The following ABLIM3 variants were observed in gnomAD, a reference collection of about 807,000 sequenced individuals.
ABLIM3 encodes actin-binding LIM protein 3.
A neutral mutation model predicts 109.5 loss-of-function variants in ABLIM3; 61 were observed. The observed-to-expected ratio is 0.56, with a 90% confidence interval of 0.45 to 0.69. The LOEUF is 0.69. ABLIM3 is among the 30% of genes least tolerant of loss of function. ABLIM3 has a pLI of 0.00. For missense variants in ABLIM3, 796 were observed against 889.5 expected, an observed-to-expected ratio of 0.89 and a Z score of 1.34; for synonymous variants, 300 against 324.8, an observed-to-expected ratio of 0.92 and a Z score of 0.82.
intron 2 of ABLIM3, among the ~76,000 whole-genome samples, chr5:149,178,797 G>A (rs898667928): frequency 1.3e-5 from 2 of 152,160 alleles, no homozygotes; most frequent in Admixed American, 1.3e-4. Flanking sequence ...TGTGGAGGGA[G>A]AGGAAAAATC....
At chr5:149,147,305 C>T (rs191191795) in intron 2 of ABLIM3, among the ~76,000 whole-genome samples, 63 of 152,196 alleles carry the variant, frequency 4.1e-4, no homozygotes, top group Admixed American at 9.8e-4. Flanking sequence ...AAGCTTTTTC[C>T]ATATCTTTTG....
chr5:149,234,618 A>G (rs1222685960), intron 10 of ABLIM3, among the ~76,000 whole-genome samples: 1 of 152,232 alleles, frequency 6.6e-6, no homozygotes, highest in African/African-American at 2.4e-5. Flanking sequence ...ATATGGGTCA[A>G]TACTACCATG....
intron 2 of ABLIM3, among the ~76,000 whole-genome samples, chr5:149,181,390 A>G (rs1756443536): frequency 1.3e-5 from 2 of 152,108 alleles, no homozygotes; most frequent in South Asian, 2.1e-4. Flanking sequence ...TTTTTGAAAT[A>G]TTTTGCATGT....
At position 149,259,824 on chromosome 5, in the gene ABLIM3, G is replaced by T. The variant is rs1411039015; in HGVS notation, c.*1420G>T. On this transcript the variant is annotated 3_prime_UTR_variant, in exon 24 of 24. Coordinates refer to ENST00000309868, the MANE Select transcript of ABLIM3 (RefSeq NM_014945.5). ...AAATGACAATAATGACTCTCAAGAG[G>T]CTGGCGATGTGACATGGCAAATGTA... The T allele has an allele frequency of 3.5e-6, 2 of 563,562 alleles. No individual in the cohort carries two copies. Among genetic ancestry groups the T allele is most frequent in the Non-Finnish European group, 6.3e-6 (2 of 315,992 alleles). 34.9% of individuals were successfully genotyped at this position (563,562 alleles called of 1,614,324 possible).
intron 2 of ABLIM3, among the ~76,000 whole-genome samples, chr5:149,144,138 A>G (rs1752719624): frequency 6.6e-6 from 1 of 152,256 alleles, no homozygotes; most frequent in South Asian, 2.1e-4. Flanking sequence ...AGGACTGGCA[A>G]AAATGCCACT....
chr5:149,227,168 A>G (rs772753116), intron 8 of ABLIM3, among the ~76,000 whole-genome samples: 4 of 151,970 alleles, frequency 2.6e-5, no homozygotes, highest in Non-Finnish European at 5.9e-5. Flanking sequence ...CCCAAATGTT[A>G]CAGGTGTGGA....
chr5:149,252,083 GAGA>G (rs1328995605), intron 21 of ABLIM3, 115 bp from the exon 22 acceptor site: 5 of 1,167,710 alleles, frequency 4.3e-6, no homozygotes, highest in Non-Finnish European at 6.1e-6. Flanking sequence ...TGATGGTCAA[GAGA>G]AGGAGACAAT....
chr5:149,237,011 G>C (rs372139203), intron 10 of ABLIM3, among the ~76,000 whole-genome samples: 2 of 152,196 alleles, frequency 1.3e-5, no homozygotes, highest in Admixed American at 1.3e-4. Context: ...CAAGGATGCT[G>C]TGAATTGGGA....
intron 2 of ABLIM3, among the ~76,000 whole-genome samples, chr5:149,149,578 T>C (rs1414619417): frequency 6.6e-6 from 1 of 152,122 alleles, no homozygotes; most frequent in East Asian, 1.9e-4. Context: ...GAAGTTAGGA[T>C]CCCAATTGTC....
At chr5:149,181,327 G>A (rs4626325) in intron 2 of ABLIM3, among the ~76,000 whole-genome samples, 2,339 of 151,244 alleles carry the variant, frequency 0.015, 57 homozygotes, top group African/African-American at 0.054. Flanking sequence ...AGAGCTGTAG[G>A]GGGGATGTGA....
chr5:149,229,265 A>T (rs1761608385), intron 8 of ABLIM3, among the ~76,000 whole-genome samples: 1 of 152,240 alleles, frequency 6.6e-6, no homozygotes, highest in Non-Finnish European at 1.5e-5. Flanking sequence ...TTACTTTAGA[A>T]AGAATTAAAC....
At chr5:149,247,965 C>T (rs1275363817) in intron 18 of ABLIM3, 36 bp downstream of exon 18, 6 of 1,600,586 alleles carry the variant, frequency 3.7e-6, no homozygotes, top group Non-Finnish European at 5.1e-6. Flanking sequence ...GGGGCGGGGA[C>T]ACCTTTCTCT....
Position 149,237,545 on chromosome 5 carries a change from A to G in ABLIM3, c.986A>G (p.Tyr329Cys), listed in dbSNP as rs2127555244. 1.2e-6 allele frequency: 2 copies of G among 1,614,172 alleles called. No homozygotes were observed. Among genetic ancestry groups the G allele is most frequent in the East Asian group, 2.2e-5 (1 of 44,878 alleles). ...YEVQRPDLIS[Y>C]EPHSRYMSDE... ...GTACAACGCCCCGACCTCATTTCCT[A>G]TGAGCCTCATTCCAGATACATGTCC... is the stretch of plus-strand genomic sequence containing the variant. Residue 329 changes from tyrosine (Y) to cysteine (C), a missense_variant, in exon 11 of 24, where the codon TAT (tyrosine) becomes TGT (cysteine). Physicochemically the swap from Tyr to Cys is radical, Grantham distance 194. Transcript: ENST00000309868.
chr5:149,172,411 G>A lies in ABLIM3; in HGVS notation c.14-11041G>A, dbSNP rs527482806. Reference sequence around the variant, plus strand: ...GGTCAAAAAACGTTTGAAAACCACCGCCTGCCCCTGAGTAATGTCACCAAG... The same window carrying A: ...GGTCAAAAAACGTTTGAAAACCACCACCTGCCCCTGAGTAATGTCACCAAG... On this transcript the variant is annotated intron_variant, in intron 2 of 23. Coordinates refer to ENST00000309868, the MANE Select transcript of ABLIM3 (RefSeq NM_014945.5). Among the ~76,000 whole-genome samples, 58 of 152,150 alleles carry A rather than the reference G, an allele frequency of 3.8e-4. No homozygotes were observed. In the Middle Eastern group the frequency reaches 0.01, roughly 27 times the overall value.
chr5:149,258,239 A>C (rs1754618074), intron 23 of ABLIM3, 52 bp from the exon 24 acceptor site: 5 of 1,548,266 alleles, frequency 3.2e-6, no homozygotes, highest in Admixed American at 1.7e-5. Context: ...TTGCATCCTC[A>C]TGCTGCTCTC....
chr5:149,252,129 G>A (rs1189086489), intron 21 of ABLIM3, 72 bp from the exon 22 acceptor site: 1 of 1,575,904 alleles, frequency 6.3e-7, no homozygotes, highest in Non-Finnish European at 8.7e-7. Context: ...GTAGGACAGA[G>A]GCCTGTGTAG....
At chr5:149,217,089 T>G in intron 8 of ABLIM3, 43 bp downstream of exon 8, 1 of 1,558,208 alleles carries the variant, frequency 6.4e-7, no homozygotes, top group East Asian at 2.3e-5. Context: ...GACCTGCTCA[T>G]GACTGGAAAG....
At chr5:149,242,419 A>T (rs994996633) in intron 14 of ABLIM3, 72 bp from the exon 15 acceptor site, 1 of 1,474,466 alleles carries the variant, frequency 6.8e-7, no homozygotes, top group Non-Finnish European at 9.5e-7. Flanking sequence ...ACCAAGTACT[A>T]TCTCCTTTTC....
intron 4 of ABLIM3, among the ~76,000 whole-genome samples, chr5:149,199,674 G>A (rs972259578): frequency 2.6e-5 from 4 of 152,262 alleles, no homozygotes; most frequent in African/African-American, 9.6e-5. Context: ...GGGAGCCAAT[G>A]TTAGGTGCTG....
Sources: gnomAD v4.1 joint callset for allele counts (sites outside exome capture counted in the v4.1 genomes callset) on GRCh38, gnomAD v4.1.1 for gene constraint, MANE v1.5 for transcripts, NCBI Gene and HGNC (gene_info 2026-07-23, HGNC 2026-07-21) for gene names.